Variants in MCTP2 observed in about 807,000 individuals in gnomAD.
MCTP2 encodes multiple C2 and transmembrane domain-containing protein 2.
A neutral mutation model predicts 111.6 loss-of-function variants in MCTP2; 132 were observed. The observed-to-expected ratio is 1.18, with a 90% CI of 1.03 to 1.37. The LOEUF (loss-of-function observed/expected upper bound fraction) is 1.37. MCTP2 is among the 40% of genes most tolerant of loss of function. MCTP2 has a pLI of 0.00. For synonymous variants in MCTP2, 395 were observed against 387.7 expected, an observed-to-expected ratio of 1.02 and a Z score of -0.22; for missense variants, 1,183 against 1,067.9, an observed-to-expected ratio of 1.11 and a Z score of -1.50.
chr15:94,461,157 T>G (rs2085180742), intron 20 of MCTP2, among the ~76,000 whole-genome samples: 1 of 152,160 alleles, frequency 6.6e-6, no homozygotes, highest in Non-Finnish European at 1.5e-5. Flanking sequence ...GCCAAAATAT[T>G]TTACTCAACA....
chr15:94,277,981 G>T (rs540192499), intron 1 of MCTP2, among the ~76,000 whole-genome samples: 2 of 152,066 alleles, frequency 1.3e-5, no homozygotes, highest in African/African-American at 4.8e-5. Flanking sequence ...CTTTCTACAC[G>T]ATGTCTTTGT....
chr15:94,352,587 C>G (rs374703424), intron 8 of MCTP2, among the ~76,000 whole-genome samples: 1 of 152,210 alleles, frequency 6.6e-6, no homozygotes, highest in Non-Finnish European at 1.5e-5. Flanking sequence ...TTCACTATCT[C>G]TTGGCGTCTG....
chr15:94,446,150 C>G (rs907226385), intron 19 of MCTP2, among the ~76,000 whole-genome samples: 2 of 152,204 alleles, frequency 1.3e-5, no homozygotes, highest in African/African-American at 4.8e-5. Flanking sequence ...TTAGACTTCA[C>G]AATTTTGCCT....
At chr15:94,339,521 A>T in intron 5 of MCTP2, 89 bp downstream of exon 5, 1 of 1,064,194 alleles carries the variant, frequency 9.4e-7, no homozygotes, top group Non-Finnish European at 1.3e-6. Context: ...ACTTGCCAAA[A>T]TTAATTCTTT....
intron 17 of MCTP2, among the ~76,000 whole-genome samples, chr15:94,421,743 G>A (rs2082638853): frequency 6.6e-6 from 1 of 152,130 alleles, no homozygotes; most frequent in African/African-American, 2.4e-5. Context: ...TCCCACTCAG[G>A]TAATTTGGGT....
At chr15:94,332,801 C>G (rs974924678) in intron 4 of MCTP2, among the ~76,000 whole-genome samples, 1 of 152,156 alleles carries the variant, frequency 6.6e-6, no homozygotes, top group Admixed American at 6.6e-5. Context: ...ACAAATAATG[C>G]TTTTGTATTC....
intron 2 of MCTP2, among the ~76,000 whole-genome samples, chr15:94,307,318 C>A (rs1169435168): frequency 6.6e-6 from 1 of 152,098 alleles, no homozygotes; most frequent in African/African-American, 2.4e-5. Flanking sequence ...GGAAGGACCT[C>A]TTCCGAGAAG....
chr15:94,450,515 G>T (rs995360343), intron 19 of MCTP2, among the ~76,000 whole-genome samples: 1 of 152,148 alleles, frequency 6.6e-6, no homozygotes, highest in African/African-American at 2.4e-5. Context: ...TATGACAGAT[G>T]CTAAGCTTTT....
rs751644528 is a variant in MCTP2, at chr15:94,298,319, A to G, written c.54A>G (p.Pro18=). 1 of 1,614,090 alleles carries G rather than the reference A, an allele frequency of 6.2e-7. No homozygotes were observed. Among genetic ancestry groups the G allele is most frequent in the Non-Finnish European group, 8.5e-7 (1 of 1,180,002 alleles). ...VWGSLKQRTR[P]LLINLSKKKV... is the part of the protein sequence containing the mutation. ...GCTCATTAAAACAGCGGACCAGGCC[A>G]TTGTTGATCAACTTGAGCAAGAAGA... is the stretch of plus-strand genomic sequence containing the variant. Residue 18 remains proline (P), a synonymous_variant, in exon 2 of 23, where the codon CCA becomes CCG. Coordinates refer to ENST00000357742, the MANE Select transcript of MCTP2 (RefSeq NM_001385001.1).
rs2075393393 is a variant in MCTP2 at position 94,298,732 on chromosome 15, T to C, written c.465+2T>C. The C allele has an allele frequency of 6.3e-7, 1 of 1,588,614 alleles. No homozygotes were observed. The highest frequency in any genetic ancestry group is 1.8e-5 in the Admixed American group (1 of 56,426). ...GGGGATGCACCAGAAGAGCCAGAGG[T>C]GAGAATAGGGCTGGGCTCTCTTTTT... is the stretch of plus-strand genomic sequence containing the variant. On this transcript the variant is annotated splice_donor_variant, in intron 2 of 22. Coordinates refer to ENST00000357742, the MANE Select transcript of MCTP2 (RefSeq NM_001385001.1). LOFTEE classifies it high-confidence loss of function.
At chr15:94,300,102 C>CT (rs568561908) in intron 2 of MCTP2, among the ~76,000 whole-genome samples, 3 of 151,278 alleles carry the variant, frequency 2.0e-5, no homozygotes, top group Admixed American at 6.6e-5. Flanking sequence ...TAATCTTCGT[C>CT]TTTTTTTTTC....
At chr15:94,243,984 C>CAT (rs750585844) in intron 1 of MCTP2, among the ~76,000 whole-genome samples, 2 of 145,816 alleles carry the variant, frequency 1.4e-5, no homozygotes, top group East Asian at 2.1e-4. Flanking sequence ...TATACACATA[C>CAT]ATATGTGTAT....
At chr15:94,340,724 G>T in intron 6 of MCTP2, 89 bp from the exon 7 acceptor site, 1 of 718,198 alleles carries the variant, frequency 1.4e-6, no homozygotes, top group South Asian at 2.1e-5. Flanking sequence ...TTCAGAGGTA[G>T]GAGACTTTTA....
At chr15:94,421,179 A>G (rs2082613586) in intron 17 of MCTP2, among the ~76,000 whole-genome samples, 1 of 151,696 alleles carries the variant, frequency 6.6e-6, no homozygotes, top group African/African-American at 2.4e-5. Flanking sequence ...TGCATACTTA[A>G]TGTTGCAACT....
At chr15:94,467,128 TTATTCC>T (rs1232128059) in intron 20 of MCTP2, among the ~76,000 whole-genome samples, 8 of 152,352 alleles carry the variant, frequency 5.3e-5, no homozygotes, top group African/African-American at 1.9e-4. Context: ...GATGCAGTTA[TTATTCC>T]TGTTTTAGAG....
At chr15:94,278,659 A>G (rs183909773) in intron 1 of MCTP2, among the ~76,000 whole-genome samples, 10 of 152,076 alleles carry the variant, frequency 6.6e-5, no homozygotes, top group African/African-American at 2.4e-4. Flanking sequence ...CTGGGGTTTG[A>G]TGTACTAATG....
Position 94,401,719 on chromosome 15 carries a change from C to G in MCTP2, c.1966-181C>G, listed in dbSNP as rs546485149. 2.6e-5 allele frequency among the ~76,000 whole-genome samples: 4 copies of G among 152,316 alleles called. No homozygotes were observed. In the South Asian group the frequency reaches 8.3e-4, roughly 32 times the overall value. ...AAAATGCATTTGATTCTCATTTCCT[C>G]TATGGATGATCATATTTTAAAAAGA... On this transcript the variant is annotated intron_variant, in intron 16 of 22. Transcript: ENST00000357742.
chr15:94,263,022 T>A (rs934480001), intron 1 of MCTP2, among the ~76,000 whole-genome samples: 3 of 152,148 alleles, frequency 2.0e-5, no homozygotes, highest in African/African-American at 7.2e-5. Context: ...TAAAGGTGAT[T>A]TCATCTCTGC....
intron 10 of MCTP2, among the ~76,000 whole-genome samples, chr15:94,360,414 C>T (rs1010111406): frequency 2.6e-5 from 4 of 152,144 alleles, no homozygotes; most frequent in African/African-American, 4.8e-5. Flanking sequence ...GTGTGTCTGA[C>T]GTTGTCACTG....
Sources: allele counts gnomAD v4.1 joint callset (sites outside exome capture counted in the v4.1 genomes callset), GRCh38; gene constraint gnomAD v4.1.1; transcripts MANE v1.5; gene names NCBI Gene and HGNC (gene_info 2026-07-23, HGNC 2026-07-21).